Variants in ZNF704 observed in about 807,000 individuals in gnomAD.
ZNF704 encodes glucocorticoid induced gene 1.
ZNF704 carries 10 observed loss-of-function variants against 44.7 expected under a neutral mutation model. That is an observed-to-expected ratio of 0.22 (90% CI 0.14 to 0.38). The LOEUF is 0.38. ZNF704 is among the 10% of genes least tolerant of loss of function. The pLI, the probability that ZNF704 is intolerant of heterozygous loss-of-function variation, is 1.00. For synonymous variants in ZNF704, 211 were observed against 207.6 expected (o/e 1.02, Z -0.14); for missense variants, 390 against 545.5 (o/e 0.71, Z 2.84).
chr8:80,743,312 C>T (rs1170884582), intron 2 of ZNF704, among the ~76,000 whole-genome samples: 2 of 150,246 alleles, frequency 1.3e-5, no homozygotes, highest in Non-Finnish European at 2.9e-5. Context: ...AGGGGTTATT[C>T]ATCACAACAA....
At chr8:80,728,858 C>A (rs779776801) in intron 2 of ZNF704, among the ~76,000 whole-genome samples, 2 of 152,044 alleles carry the variant, frequency 1.3e-5, no homozygotes, top group Non-Finnish European at 2.9e-5. Flanking sequence ...AATGACACTT[C>A]AGAGAAATAT....
intron 2 of ZNF704, among the ~76,000 whole-genome samples, chr8:80,762,395 G>A (rs929595365): frequency 2.0e-5 from 3 of 152,170 alleles, no homozygotes; most frequent in Admixed American, 6.5e-5. Flanking sequence ...CATGGTGAAA[G>A]GTGAAGGGGA....
intron 2 of ZNF704, among the ~76,000 whole-genome samples, chr8:80,805,276 G>T (rs1586040422): frequency 6.6e-6 from 1 of 152,060 alleles, no homozygotes; most frequent in Non-Finnish European, 1.5e-5. Context: ...GTAGCTCTGG[G>T]GAACATGGAG....
At chr8:80,838,999 G>A (rs540051733) in intron 1 of ZNF704, among the ~76,000 whole-genome samples, 15 of 152,366 alleles carry the variant, frequency 9.8e-5, no homozygotes, top group Non-Finnish European at 1.9e-4. Context: ...TCCAGGCTGA[G>A]TTTGCAGAGT....
chr8:80,651,567 A>G (rs1817920273), intron 7 of ZNF704, among the ~76,000 whole-genome samples: 2 of 152,236 alleles, frequency 1.3e-5, no homozygotes, highest in Non-Finnish European at 2.9e-5. Flanking sequence ...AAAGAGACAA[A>G]GAAGGCCATT....
intron 2 of ZNF704, among the ~76,000 whole-genome samples, chr8:80,695,456 A>T (rs1437354635): frequency 1.3e-5 from 2 of 152,234 alleles, no homozygotes; most frequent in African/African-American, 2.4e-5. Flanking sequence ...TGCACCTGGT[A>T]TAGGTGGATG....
intron 2 of ZNF704, among the ~76,000 whole-genome samples, chr8:80,719,944 A>G (rs1297526545): frequency 6.6e-6 from 1 of 152,214 alleles, no homozygotes; most frequent in Non-Finnish European, 1.5e-5. Flanking sequence ...TCACTGGTCT[A>G]ATATTCTATA....
At position 80,837,383 on chromosome 8, in the gene ZNF704, G is replaced by C. The variant is rs143352593; in HGVS notation, c.-21-15768C>G. On this transcript the variant is annotated intron_variant, in intron 1 of 8. Coordinates refer to ENST00000327835, the MANE Select transcript of ZNF704 (RefSeq NM_001033723.3). Reference sequence around the variant, plus strand: ...GGGTTTATTTTATTTTTAAATTATGGGACTTTGAAACTTCCTTCTGCAAAT... The same window carrying C: ...GGGTTTATTTTATTTTTAAATTATGCGACTTTGAAACTTCCTTCTGCAAAT... Among the ~76,000 whole-genome samples, 186 of 151,974 alleles carry C rather than the reference G, an allele frequency of 1.2e-3. 1 individual carries two copies. Among genetic ancestry groups the C allele is most frequent in the African/African-American group, 4.4e-3 (181 of 41,438 alleles).
At chr8:80,854,490 T>C (rs1009733302) in intron 1 of ZNF704, among the ~76,000 whole-genome samples, 2 of 152,326 alleles carry the variant, frequency 1.3e-5, no homozygotes, top group South Asian at 2.1e-4. Flanking sequence ...AACTGTGACA[T>C]AGTCTGAAAA....
At chr8:80,832,891 A>C (rs1476942354) in intron 1 of ZNF704, among the ~76,000 whole-genome samples, 1 of 152,220 alleles carries the variant, frequency 6.6e-6, no homozygotes, top group Non-Finnish European at 1.5e-5. Flanking sequence ...ACTTGCTTTC[A>C]TAACACATAA....
At chr8:80,757,370 A>G (rs1000370897) in intron 2 of ZNF704, among the ~76,000 whole-genome samples, 1 of 152,206 alleles carries the variant, frequency 6.6e-6, no homozygotes, top group African/African-American at 2.4e-5. Context: ...GGAAGCTTAT[A>G]GAATAAGGAC....
At chr8:80,648,221 G>C (rs763955180) in intron 7 of ZNF704, among the ~76,000 whole-genome samples, 2 of 152,068 alleles carry the variant, frequency 1.3e-5, no homozygotes, top group Non-Finnish European at 2.9e-5. Context: ...TGAACTTTGG[G>C]GGACACTTGC....
intron 4 of ZNF704, among the ~76,000 whole-genome samples, chr8:80,672,322 G>A (rs891770857): frequency 6.6e-6 from 1 of 152,210 alleles, no homozygotes; most frequent in African/African-American, 2.4e-5. Context: ...GGTGACGGGA[G>A]TGTGAATTAG....
intron 2 of ZNF704, among the ~76,000 whole-genome samples, chr8:80,763,090 T>C (rs1298027504): frequency 6.6e-6 from 1 of 152,240 alleles, no homozygotes; most frequent in Non-Finnish European, 1.5e-5. Flanking sequence ...TCCTGGTTGC[T>C]TTCATGGGCT....
chr8:80,687,262 G>A lies in ZNF704; in HGVS notation c.522C>T (p.Asn174=). ...DDGIDEAEAS[N]LLFDEPIPRK... ...TGGGAATGGGCTCGTCGAAGAGCAG[G>A]TTGCTGGCCTCCGCCTCGTCGATGC... Residue 174 remains asparagine, a synonymous_variant, in exon 4 of 9, where the codon AAC becomes AAT. Transcript: ENST00000327835. 1 of 1,612,900 alleles carries A rather than the reference G, an allele frequency of 6.2e-7. No homozygotes were observed. Among genetic ancestry groups the A allele is most frequent in the Non-Finnish European group, 8.5e-7 (1 of 1,179,592 alleles).
At chr8:80,665,974 T>TTA (rs1281972808) in intron 5 of ZNF704, among the ~76,000 whole-genome samples, 1 of 152,094 alleles carries the variant, frequency 6.6e-6, no homozygotes, top group African/African-American at 2.4e-5. Context: ...TATTTATTTT[T>TTA]TTATTATACT....
chr8:80,762,454 G>A (rs780974349), intron 2 of ZNF704, among the ~76,000 whole-genome samples: 3 of 152,108 alleles, frequency 2.0e-5, no homozygotes, highest in African/African-American at 2.4e-5. Flanking sequence ...TGCAAGCAGA[G>A]GAAATGCCAG....
Position 80,784,083 on chromosome 8 carries a change from T to A in ZNF704, c.221+37291A>T, listed in dbSNP as rs574085151. On this transcript the variant is annotated intron_variant, in intron 2 of 8. Coordinates refer to ENST00000327835, the MANE Select transcript of ZNF704 (RefSeq NM_001033723.3). The stretch of plus-strand genomic sequence containing the variant: ...GCACCCTCTGTCCTCATACTCCATA[T>A]GTCTTTTTGTGGCTTGATAGCTCCT... Among the ~76,000 whole-genome samples, 5 of 152,338 alleles carry A rather than the reference T, an allele frequency of 3.3e-5. No homozygotes were observed. The South Asian group carries it at 8.3e-4, about 25-fold the overall frequency.
At chr8:80,684,857 A>T (rs547433650) in intron 4 of ZNF704, among the ~76,000 whole-genome samples, 1 of 152,336 alleles carries the variant, frequency 6.6e-6, no homozygotes, top group Non-Finnish European at 1.5e-5. Context: ...TAATAAATTT[A>T]AAAAAGAATA....
Sources: allele counts gnomAD v4.1 joint callset (sites outside exome capture counted in the v4.1 genomes callset), GRCh38; gene constraint gnomAD v4.1.1; transcripts MANE v1.5; gene names NCBI Gene and HGNC (gene_info 2026-07-23, HGNC 2026-07-21).